PZP: variants seen among roughly 807,000 people sequenced by gnomAD.
PZP encodes the protein PZP alpha-2-macroglobulin like.
In PZP, 150 loss-of-function variants were observed where a neutral mutation model predicts 179.8. The observed-to-expected ratio is 0.83, with a 90% confidence interval of 0.73 to 0.96. The LOEUF (loss-of-function observed/expected upper bound fraction) is 0.96. PZP is among the 40% of genes least tolerant of loss of function. PZP has a pLI of 0.00. For missense variants in PZP, 1,689 were observed against 1,764.0 expected, an observed-to-expected ratio of 0.96 and a Z score of 0.76; for synonymous variants, 624 against 652.3, an observed-to-expected ratio of 0.96 and a Z score of 0.66.
intron 1 of PZP, among the ~76,000 whole-genome samples, chr12:9,205,974 C>T (rs937343944): frequency 1.3e-5 from 2 of 152,126 alleles, no homozygotes; most frequent in Non-Finnish European, 2.9e-5. Flanking sequence ...TGCCATGAAT[C>T]TCCAGGGCCA....
downstream of PZP, chr12:9,148,793 T>C: frequency 1.7e-6 from 1 of 581,596 alleles, no homozygotes; most frequent in South Asian, 2.4e-5. Context: ...TAACTCATCA[T>C]GTGAACATGT....
At chr12:9,175,091 A>G (rs1565643190) in intron 15 of PZP, among the ~76,000 whole-genome samples, 1 of 152,248 alleles carries the variant, frequency 6.6e-6, no homozygotes, top group African/African-American at 2.4e-5. Context: ...CCAAAACAGC[A>G]TGGTACTGAT....
the PZP span, among the ~76,000 whole-genome samples, chr12:9,137,223 A>C: frequency 1.3e-5 from 2 of 152,132 alleles, no homozygotes; most frequent in African/African-American, 4.8e-5. Flanking sequence ...TAAGATAAAC[A>C]TCAAATTTTA....
chr12:9,159,792 T>G (rs1478577169), intron 25 of PZP, 146 bp downstream of exon 25: 2 of 714,258 alleles, frequency 2.8e-6, no homozygotes, highest in Non-Finnish European at 4.5e-6. Flanking sequence ...TCAGCCTTCA[T>G]AGCTATAAGA....
the PZP span, among the ~76,000 whole-genome samples, chr12:9,140,489 CGT>C: frequency 6.6e-6 from 1 of 152,050 alleles, no homozygotes; most frequent in Non-Finnish European, 1.5e-5. Flanking sequence ...TGCCAGTAAC[CGT>C]TATTAAAAAA....
chr12:9,178,812 T>C (rs1942565348), intron 15 of PZP, among the ~76,000 whole-genome samples: 1 of 152,196 alleles, frequency 6.6e-6, no homozygotes, highest in South Asian at 2.1e-4. Flanking sequence ...GACACACCCC[T>C]GCAGATCAGG....
intron 10 of PZP, among the ~76,000 whole-genome samples, chr12:9,194,646 A>G (rs902437783): frequency 3.3e-5 from 5 of 151,852 alleles, no homozygotes; most frequent in Admixed American, 2.0e-4. Context: ...TTGTATTTTT[A>G]GTAGAGACGG....
Position 9,164,231 on chromosome 12 carries a change from G to A in PZP, c.2516C>T (p.Ala839Val), listed in dbSNP as rs375841604. 6.2e-7 allele frequency: 1 copy of A among 1,612,890 alleles called. No individual in the cohort carries two copies. Among genetic ancestry groups the A allele is most frequent in the African/African-American group, 1.3e-5 (1 of 74,908 alleles). Residue 839 changes from alanine to valine, a missense_variant, in exon 20 of 36, where the codon GCC becomes GTC. Ala to Val is a moderately conservative substitution (Grantham distance 64). Coordinates refer to ENST00000261336, the MANE Select transcript of PZP (RefSeq NM_002864.3). Reference sequence around the variant, plus strand: ...CTTTGTATTTTGGGAAGCTAGGAAGGCTGGAGAGGCTTTCAGCTGCACACT... The same window carrying A: ...CTTTGTATTTTGGGAAGCTAGGAAGACTGGAGAGGCTTTCAGCTGCACACT... ...RVSVQLKASP[A>V]FLASQNTKGE...
At position 9,180,912 on chromosome 12, in the gene PZP, G is replaced by C. The variant is rs146968812; in HGVS notation, c.1839+71C>G. The C allele has an allele frequency of 1.6e-4, 238 of 1,523,018 alleles. 2 individuals are homozygous for C. In the African/African-American group the frequency reaches 2.9e-3, roughly 18 times the overall value. The allele number at this position is 1,523,018 out of a possible 1,614,324, so 94.3% of individuals were successfully genotyped here. On this transcript the variant is annotated intron_variant, in intron 15 of 35. Coordinates refer to ENST00000261336, the MANE Select transcript of PZP (RefSeq NM_002864.3). Reference sequence around the variant, plus strand: ...TCGCAACCTACTCATCTGACAAAGGGCTAATAGAGGCTTCTTGATCTGAGC... The same window carrying C: ...TCGCAACCTACTCATCTGACAAAGGCCTAATAGAGGCTTCTTGATCTGAGC...
chr12:9,139,600 T>C, the PZP span, among the ~76,000 whole-genome samples: 2 of 152,234 alleles, frequency 1.3e-5, no homozygotes, highest in African/African-American at 4.8e-5. Flanking sequence ...TTTATATATT[T>C]AGGTGTTCTA....
At chr12:9,181,519 T>C (rs1942758694) in intron 14 of PZP, among the ~76,000 whole-genome samples, 1 of 152,208 alleles carries the variant, frequency 6.6e-6, no homozygotes, top group South Asian at 2.1e-4. Context: ...TAAACATGAC[T>C]ATTACATAAG....
intron 13 of PZP, among the ~76,000 whole-genome samples, chr12:9,183,285 C>T (rs1028401245): frequency 1.3e-5 from 2 of 152,108 alleles, no homozygotes; most frequent in Non-Finnish European, 2.9e-5. Flanking sequence ...GCTGTTCTTG[C>T]CACACATACA....
rs187598207 is a variant in PZP, at chr12:9,180,233, T to C, written c.1839+750A>G. Reference sequence around the variant, plus strand: ...TGTGCCATGCTGGTGCGCAAGGTAATTTACAGATTCAATGCCATCCCCATC... The same window carrying C: ...TGTGCCATGCTGGTGCGCAAGGTAACTTACAGATTCAATGCCATCCCCATC... On this transcript the variant is annotated intron_variant, in intron 15 of 35. Transcript: ENST00000261336. Among the ~76,000 whole-genome samples the C allele has an allele frequency of 4.6e-3, 695 of 152,250 alleles. 27 individuals carry two copies. Among genetic ancestry groups the C allele is most frequent in the Admixed American group, 0.042 (639 of 15,294 alleles).
chr12:9,147,482 T>G (rs918561121), downstream of PZP, among the ~76,000 whole-genome samples: 1 of 152,234 alleles, frequency 6.6e-6, no homozygotes, highest in South Asian at 2.1e-4. Flanking sequence ...AGCCGTAGCA[T>G]GTCCTGAATC....
In PZP at chr12:9,154,780, G is replaced by A. The variant is rs1473104482; in HGVS notation, c.3610C>T (p.Gln1204Ter). ...RPKAPVGHLY[Q>*]TQAPSAEVEM... is the part of the protein sequence containing the mutation. The stretch of plus-strand genomic sequence containing the variant: ...ACCTCAGCAGAGGGAGCCTGGGTTT[G>A]GTAAAGATGCCCCACTGGTGCCTTG... The change falls in exon 29 of 36, where the codon CAA becomes TAA. Residue 1204 changes from glutamine to a stop codon, truncating the protein, a stop_gained. Transcript: ENST00000261336. LOFTEE classifies it high-confidence loss of function. 1 of 1,613,972 alleles carries A rather than the reference G, an allele frequency of 6.2e-7. No individual in the cohort carries two copies. The highest frequency in any genetic ancestry group is 8.5e-7 in the Non-Finnish European group (1 of 1,180,010).
the PZP span, among the ~76,000 whole-genome samples, chr12:9,140,798 G>A: frequency 5.3e-5 from 8 of 152,166 alleles, 1 homozygote; most frequent in South Asian, 1.7e-3. Context: ...CCCTGTACAG[G>A]GACTGTGCAC....
intron 15 of PZP, among the ~76,000 whole-genome samples, chr12:9,173,963 G>A (rs955945239): frequency 6.6e-5 from 10 of 152,088 alleles, no homozygotes; most frequent in Non-Finnish European, 1.3e-4. Flanking sequence ...GGGACTCCTC[G>A]CTAACTCATT....
chr12:9,183,683 C>T (rs1245271271), intron 13 of PZP, among the ~76,000 whole-genome samples: 2 of 152,096 alleles, frequency 1.3e-5, no homozygotes, highest in Non-Finnish European at 2.9e-5. Flanking sequence ...GCCAATGTGC[C>T]CGGCCAAAAT....
chr12:9,164,350 T>C, intron 19 of PZP, 91 bp from the exon 20 acceptor site: 1 of 1,385,614 alleles, frequency 7.2e-7, no homozygotes, highest in Non-Finnish European at 9.8e-7. Flanking sequence ...GATGCTGCAG[T>C]AAATTGGGAT....
Sources: gnomAD v4.1 joint callset for allele counts (sites outside exome capture counted in the v4.1 genomes callset) on GRCh38, gnomAD v4.1.1 for gene constraint, MANE v1.5 for transcripts, NCBI Gene and HGNC (gene_info 2026-07-23, HGNC 2026-07-21) for gene names.